The following ADARB1 variants were observed in gnomAD, a reference collection of about 807,000 sequenced individuals.
ADARB1 encodes the protein double-stranded RNA-specific editase 1.
ADARB1 carries 10 observed loss-of-function variants against 52.4 expected under a neutral mutation model. That is an observed-to-expected ratio of 0.19 (90% CI 0.12 to 0.32). The LOEUF is 0.32. Ranked by LOEUF, ADARB1 falls within the 10% of genes least tolerant of loss-of-function variation. The probability of loss-of-function intolerance (pLI) is 1.00; values close to 1 mark genes in which losing one functional copy is unlikely to be tolerated. For synonymous variants in ADARB1, 349 were observed against 371.1 expected (o/e 0.94, Z 0.68); for missense variants, 643 against 922.3 (o/e 0.70, Z 3.92).
chr21:45,086,630 G>C (rs1171764908), intron 1 of ADARB1, among the ~76,000 whole-genome samples: 2 of 152,162 alleles, frequency 1.3e-5, no homozygotes, highest in African/African-American at 4.8e-5. Flanking sequence ...ATGTTTTTCG[G>C]GTTCATCCGT....
intron 8 of ADARB1, among the ~76,000 whole-genome samples, chr21:45,198,029 G>A (rs2092463961): frequency 6.6e-6 from 1 of 152,194 alleles, no homozygotes; most frequent in Non-Finnish European, 1.5e-5. Flanking sequence ...TATGTCAGTT[G>A]TACCGCAGTA....
Position 45,175,776 on chromosome 21 carries a change from G to T in ADARB1, c.75G>T (p.Val25=). 1 of 1,614,178 alleles carries T rather than the reference G, an allele frequency of 6.2e-7. No homozygotes were observed. Among genetic ancestry groups the T allele is most frequent in the Middle Eastern group, 1.7e-4 (1 of 6,058 alleles). The stretch of plus-strand genomic sequence containing the variant: ...AGGAAAACCGCAATCTGGACAACGT[G>T]TCCCCCAAGGATGGCAGCACACCTG... The part of the protein sequence containing the change: ...DVKENRNLDN[V]SPKDGSTPGP... The change falls in exon 4 of 11, where the codon GTG becomes GTT. Residue 25 remains valine (V), a synonymous_variant. Transcript: ENST00000348831.
intron 1 of ADARB1, among the ~76,000 whole-genome samples, chr21:45,096,311 G>A (rs147053108): frequency 1.2e-4 from 18 of 152,322 alleles, no homozygotes; most frequent in African/African-American, 3.4e-4. Context: ...GAACAGAAGC[G>A]CAAGGGACAA....
intron 1 of ADARB1, among the ~76,000 whole-genome samples, chr21:45,118,191 G>A (rs1320074796): frequency 6.6e-6 from 1 of 152,224 alleles, no homozygotes; most frequent in African/African-American, 2.4e-5. Context: ...ATATTCAGAT[G>A]GAACTCCCAG....
rs1346508646 is a variant in ADARB1, at chr21:45,136,120, T to A, written c.-48+7547T>A. 2.0e-5 allele frequency among the ~76,000 whole-genome samples: 3 copies of A among 150,074 alleles called. No individual in the cohort carries two copies. The East Asian group carries it at 5.9e-4, about 29-fold the overall frequency. On this transcript the variant is annotated intron_variant, in intron 2 of 10. Transcript: ENST00000348831. ...AGGGGAGTAAAACCAGGGGAAGGAGTGGAGGACCACGAACTCCCTCCCCTT... is the reference window on the plus strand; with the variant it reads ...AGGGGAGTAAAACCAGGGGAAGGAGAGGAGGACCACGAACTCCCTCCCCTT...
rs2092962221 is a variant in ADARB1, at chr21:45,221,378, G to A, written c.1926+364G>A. Among the ~76,000 whole-genome samples, 1 of 152,202 alleles carries A rather than the reference G, an allele frequency of 6.6e-6. No individual in the cohort carries two copies. Among genetic ancestry groups the A allele is most frequent in the South Asian group, 2.1e-4 (1 of 4,832 alleles). ...GCAACATAAAAATTGCTTGGATTGTGATAACCCTCCAGTGGAGTTTTTAAA... is the reference window on the plus strand; with the variant it reads ...GCAACATAAAAATTGCTTGGATTGTAATAACCCTCCAGTGGAGTTTTTAAA... On this transcript the variant is annotated intron_variant, in intron 10 of 10. Coordinates refer to ENST00000348831, the MANE Select transcript of ADARB1 (RefSeq NM_001112.4). This position sits in a 1 kb window ranked among gnomAD's most constrained non-coding sequence, Gnocchi z 4.9.
chr21:45,212,044 A>T (rs115655874), intron 9 of ADARB1, among the ~76,000 whole-genome samples: 9 of 126,094 alleles, frequency 7.1e-5, no homozygotes, highest in African/African-American at 2.5e-4. Context: ...ATTTTGTACT[A>T]TTGGGATCTT....
At chr21:45,113,184 G>A (rs2145762621) in intron 1 of ADARB1, among the ~76,000 whole-genome samples, 1 of 152,212 alleles carries the variant, frequency 6.6e-6, no homozygotes, top group East Asian at 1.9e-4. Context: ...CAGCACTTTG[G>A]GAGGCCGAGG....
At chr21:45,210,356 C>T (rs183307272) in intron 9 of ADARB1, among the ~76,000 whole-genome samples, 4 of 152,290 alleles carry the variant, frequency 2.6e-5, no homozygotes, top group Admixed American at 6.5e-5. Context: ...GATTAACCCA[C>T]GTGATCTCCA....
At chr21:45,137,091 C>T (rs1464805049) in intron 2 of ADARB1, 1 of 152,198 alleles carries the variant, frequency 6.6e-6, no homozygotes, top group African/African-American at 2.4e-5. Context: ...CTTTGCTGTG[C>T]TCTGAGCATG....
Position 45,204,785 on chromosome 21 carries a change from A to G in ADARB1, c.1747+49A>G, listed in dbSNP as rs766184965. 4.0e-5 allele frequency: 63 copies of G among 1,583,910 alleles called. No homozygotes were observed. The South Asian group carries it at 7.1e-4, about 18-fold the overall frequency. On this transcript the variant is annotated intron_variant, in intron 9 of 10. Coordinates refer to ENST00000348831, the MANE Select transcript of ADARB1 (RefSeq NM_001112.4). This position sits in a 1 kb window ranked among gnomAD's most constrained non-coding sequence, Gnocchi z 4.4. ...ATTTAATCTCTGTCTTGATTTTGCA[A>G]TGTTTTCATCCTCATGAATGAAAAA...
At chr21:45,084,717 T>C (rs1312558564) in intron 1 of ADARB1, among the ~76,000 whole-genome samples, 2 of 152,196 alleles carry the variant, frequency 1.3e-5, no homozygotes, top group Admixed American at 1.3e-4. Context: ...CTTTAACATA[T>C]ATATCAGTCA....
At chr21:45,146,911 A>G (rs1394349724) in intron 2 of ADARB1, among the ~76,000 whole-genome samples, 1 of 152,208 alleles carries the variant, frequency 6.6e-6, no homozygotes, top group African/African-American at 2.4e-5. Context: ...CTTCTTCTCC[A>G]GAAATTCTGG....
intron 1 of ADARB1, among the ~76,000 whole-genome samples, chr21:45,114,267 T>C (rs1264385603): frequency 2.6e-5 from 4 of 152,236 alleles, no homozygotes; most frequent in Non-Finnish European, 5.9e-5. Context: ...TTATCAGCTG[T>C]GTCAAGTCAG....
At chr21:45,118,897 C>T (rs1029853520) in intron 1 of ADARB1, among the ~76,000 whole-genome samples, 1 of 152,178 alleles carries the variant, frequency 6.6e-6, no homozygotes, top group Non-Finnish European at 1.5e-5. Context: ...AACCTGCTTT[C>T]GTCTGCCTTA....
chr21:45,156,090 A>G (rs1411673259), intron 2 of ADARB1, among the ~76,000 whole-genome samples: 1 of 131,778 alleles, frequency 7.6e-6, no homozygotes, highest in Non-Finnish European at 1.5e-5. Context: ...CCATCTACCC[A>G]CCCACCCATC....
At chr21:45,090,395 A>G (rs979922980) in intron 1 of ADARB1, among the ~76,000 whole-genome samples, 6 of 152,114 alleles carry the variant, frequency 3.9e-5, no homozygotes, top group African/African-American at 1.4e-4. Context: ...TAGTAGCTAC[A>G]TAGTGGTATA....
chr21:45,157,633 G>A lies in ADARB1; in HGVS notation c.-47-13977G>A, dbSNP rs1313315345. 6.6e-6 allele frequency among the ~76,000 whole-genome samples: 1 copy of A among 152,190 alleles called. No individual in the cohort carries two copies. Among genetic ancestry groups the A allele is most frequent in the Non-Finnish European group, 1.5e-5 (1 of 68,038 alleles). On this transcript the variant is annotated intron_variant, in intron 2 of 10. Coordinates refer to ENST00000348831, the MANE Select transcript of ADARB1 (RefSeq NM_001112.4). The surrounding 1 kb of genome is among the most constrained non-coding windows in gnomAD (Gnocchi z 4.1). ...TGCTTAGGCATGCCTGACTGAGGCG[G>A]GAAACAAGCGTGTGGATCAGTGTGG...
intron 1 of ADARB1, among the ~76,000 whole-genome samples, chr21:45,105,068 G>A (rs449191): frequency 0.98 from 149,908 of 152,318 alleles, 73,767 homozygotes; most frequent in East Asian, 1. Context: ...AGCATGCATC[G>A]TTGCTGCTTC....
Sources: allele counts gnomAD v4.1 joint callset (sites outside exome capture counted in the v4.1 genomes callset), GRCh38; gene constraint gnomAD v4.1.1; non-coding constraint Gnocchi (gnomAD v3.1); transcripts MANE v1.5; gene names NCBI Gene and HGNC (gene_info 2026-07-23, HGNC 2026-07-21).